Variants in CSMD1 observed in about 807,000 individuals in gnomAD.
CSMD1 encodes CUB and Sushi multiple domains 1.
Under a neutral mutation model 417.5 loss-of-function variants are expected in CSMD1, and 213 were observed. That is an observed-to-expected ratio of 0.51 (90% CI 0.46 to 0.57). CSMD1 has a LOEUF of 0.57. CSMD1 is among the 20% of genes least tolerant of loss of function. CSMD1 has a pLI of 0.00. For synonymous variants in CSMD1, 2,862 were observed against 1,736.8 expected (o/e 1.65, Z -16.11); for missense variants, 6,923 against 4,529.7 (o/e 1.53, Z -15.17).
chr8:4,336,725 C>T (rs578102642), intron 3 of CSMD1, among the ~76,000 whole-genome samples: 1 of 152,046 alleles, frequency 6.6e-6, no homozygotes, highest in Non-Finnish European at 1.5e-5. Context: ...TTCTAGGATC[C>T]AATTACTCTG....
At chr8:4,383,101 T>C (rs375235475) in intron 3 of CSMD1, among the ~76,000 whole-genome samples, 29 of 152,296 alleles carry the variant, frequency 1.9e-4, no homozygotes, top group African/African-American at 5.1e-4. Context: ...TATCATCCTC[T>C]ATTATGGGCT....
At chr8:3,787,901 C>T (rs17327495) in intron 5 of CSMD1, among the ~76,000 whole-genome samples, 7,098 of 152,236 alleles carry the variant, frequency 0.047, 270 homozygotes, top group Non-Finnish European at 0.071. Context: ...TCTATTTTGC[C>T]AGATTAAATC....
At chr8:4,300,986 A>G (rs1490470996) in intron 3 of CSMD1, among the ~76,000 whole-genome samples, 2 of 152,196 alleles carry the variant, frequency 1.3e-5, no homozygotes, top group Non-Finnish European at 1.5e-5. Context: ...ATAGTGCACT[A>G]TAAACATAAG....
At chr8:4,391,435 G>C (rs1277228062) in intron 3 of CSMD1, among the ~76,000 whole-genome samples, 2 of 152,044 alleles carry the variant, frequency 1.3e-5, no homozygotes, top group African/African-American at 2.4e-5. Flanking sequence ...ATTGAGAGAA[G>C]GAACATAAAC....
intron 5 of CSMD1, among the ~76,000 whole-genome samples, chr8:3,872,728 T>C (rs1788637289): frequency 6.6e-6 from 1 of 151,162 alleles, no homozygotes; most frequent in Non-Finnish European, 1.5e-5. Context: ...ATTAACAGAG[T>C]GAACAGATAA....
intron 4 of CSMD1, among the ~76,000 whole-genome samples, chr8:4,007,693 G>A (rs1228615349): frequency 6.6e-6 from 1 of 150,902 alleles, no homozygotes; most frequent in African/African-American, 2.4e-5. Flanking sequence ...TTTTTTTCAT[G>A]CAATGAATGA....
chr8:3,122,169 A>G (rs1817249441), intron 41 of CSMD1, among the ~76,000 whole-genome samples: 1 of 152,178 alleles, frequency 6.6e-6, no homozygotes, highest in South Asian at 2.1e-4. Context: ...TACAAGCTTT[A>G]TATACAGAAA....
chr8:4,698,290 C>A (rs1226130554), intron 1 of CSMD1, among the ~76,000 whole-genome samples: 1 of 151,980 alleles, frequency 6.6e-6, no homozygotes, highest in Non-Finnish European at 1.5e-5. Flanking sequence ...TATAAAGGCT[C>A]GTTTCAAATG....
At chr8:4,515,290 G>A (rs188722870) in intron 2 of CSMD1, among the ~76,000 whole-genome samples, 2 of 152,256 alleles carry the variant, frequency 1.3e-5, no homozygotes, top group Admixed American at 1.3e-4. Flanking sequence ...GATCTGATGT[G>A]GCTCATGTAC....
At chr8:4,128,910 T>C (rs1021177600) in intron 3 of CSMD1, among the ~76,000 whole-genome samples, 1 of 151,768 alleles carries the variant, frequency 6.6e-6, no homozygotes, top group African/African-American at 2.4e-5. Context: ...ACTCATATTG[T>C]TTTAAGAATT....
At chr8:3,547,097 G>A (rs929585179) in intron 10 of CSMD1, among the ~76,000 whole-genome samples, 6 of 152,128 alleles carry the variant, frequency 3.9e-5, no homozygotes, top group African/African-American at 1.4e-4. Context: ...AATAACGTGG[G>A]CTACAGGTTG....
chr8:4,169,686 G>A (rs966855702), intron 3 of CSMD1, among the ~76,000 whole-genome samples: 18 of 152,118 alleles, frequency 1.2e-4, no homozygotes, highest in African/African-American at 3.4e-4. Flanking sequence ...CTCCTGGATG[G>A]CTCCCTGCCC....
intron 12 of CSMD1, among the ~76,000 whole-genome samples, chr8:3,468,066 G>A (rs1444335186): frequency 6.6e-6 from 1 of 152,136 alleles, no homozygotes; most frequent in South Asian, 2.1e-4. Flanking sequence ...CTATTTCAAA[G>A]GAGAATCCAA....
intron 40 of CSMD1, among the ~76,000 whole-genome samples, chr8:3,147,022 C>T (rs758360765): frequency 2.6e-4 from 39 of 152,132 alleles, no homozygotes; most frequent in Non-Finnish European, 4.1e-4. Context: ...GGGGCAATAA[C>T]GTCTTATATT....
At chr8:4,928,194 C>A (rs954816582) in intron 1 of CSMD1, among the ~76,000 whole-genome samples, 2 of 152,070 alleles carry the variant, frequency 1.3e-5, no homozygotes, top group Non-Finnish European at 2.9e-5. Flanking sequence ...CTGGAGTGCC[C>A]GTCACCAAGA....
At chr8:3,027,321 C>T (rs1810005587) in intron 51 of CSMD1, among the ~76,000 whole-genome samples, 1 of 152,170 alleles carries the variant, frequency 6.6e-6, no homozygotes, top group East Asian at 1.9e-4. Flanking sequence ...CCAGACGATA[C>T]CAGGGCTTTT....
intron 3 of CSMD1, among the ~76,000 whole-genome samples, chr8:4,249,036 G>C (rs1309274755): frequency 6.6e-6 from 1 of 152,138 alleles, no homozygotes; most frequent in Non-Finnish European, 1.5e-5. Flanking sequence ...CCTGGCATAT[G>C]CTACTCAATG....
chr8:4,318,639 A>G (rs1255540966), intron 3 of CSMD1, among the ~76,000 whole-genome samples: 1 of 135,180 alleles, frequency 7.4e-6, no homozygotes, highest in Non-Finnish European at 1.7e-5. Context: ...CACACCTTCT[A>G]AATTTAAGAC....
intron 2 of CSMD1, among the ~76,000 whole-genome samples, chr8:4,575,692 G>A (rs1043359443): frequency 6.6e-6 from 1 of 152,160 alleles, no homozygotes; most frequent in Non-Finnish European, 1.5e-5. Flanking sequence ...ACATTTTGAA[G>A]ATTTAAAATA....
Sources: allele counts gnomAD v4.1 joint callset (sites outside exome capture counted in the v4.1 genomes callset), GRCh38; gene constraint gnomAD v4.1.1; transcripts MANE v1.5; gene names NCBI Gene and HGNC (gene_info 2026-07-23, HGNC 2026-07-21).